The following XYLT1 variants were observed in gnomAD, a reference collection of about 807,000 sequenced individuals.
XYLT1 encodes the protein beta-D-xylosyltransferase 1.
A neutral mutation model predicts 91.3 loss-of-function variants in XYLT1; 36 were observed. The observed-to-expected ratio is 0.39, with a 90% CI of 0.30 to 0.52. The LOEUF (loss-of-function observed/expected upper bound fraction) is 0.52, where lower values mean the gene tolerates loss of function less well. Among genes scored for constraint, XYLT1 ranks in the 20% least tolerant of loss-of-function variants. XYLT1 has a pLI of 0.68. For synonymous variants in XYLT1, 588 were observed against 532.0 expected (o/e 1.11, Z -1.45); for missense variants, 1,242 against 1,284.5 (o/e 0.97, Z 0.51).
intron 10 of XYLT1, among the ~76,000 whole-genome samples, chr16:17,118,289 T>C (rs867395086): frequency 1.3e-5 from 2 of 150,400 alleles, no homozygotes; most frequent in African/African-American, 5.0e-5. Flanking sequence ...AATGAACGAA[T>C]GAATGAATGA....
chr16:17,176,938 T>G (rs936347), intron 5 of XYLT1, among the ~76,000 whole-genome samples: 91,144 of 151,754 alleles, frequency 0.6, 29,703 homozygotes, highest in African/African-American at 0.86. Context: ...TTCAAAGGCT[T>G]CCCATTGCTT....
intron 5 of XYLT1, among the ~76,000 whole-genome samples, chr16:17,197,834 T>C (rs2016930): frequency 0.58 from 87,966 of 152,022 alleles, 27,618 homozygotes; most frequent in African/African-American, 0.82. Context: ...GCAGACGGCC[T>C]ATCGTGAGAC....
At chr16:17,380,181 G>C (rs1305546307) in intron 1 of XYLT1, among the ~76,000 whole-genome samples, 1 of 152,136 alleles carries the variant, frequency 6.6e-6, no homozygotes, top group Non-Finnish European at 1.5e-5. Context: ...CCAGCTATTC[G>C]GGAGGCTGAG....
intron 10 of XYLT1, among the ~76,000 whole-genome samples, chr16:17,118,402 A>G (rs1285167192): frequency 6.6e-6 from 1 of 152,154 alleles, no homozygotes; most frequent in African/African-American, 2.4e-5. Context: ...TCTAAATCAC[A>G]CACCTCCACT....
chr16:17,453,608 C>T lies in XYLT1; in HGVS notation c.363+16826G>A, dbSNP rs1243926528. On this transcript the variant is annotated intron_variant, in intron 1 of 11. Transcript: ENST00000261381. ...AAGTCTCCGTGCTCCGATGCTGTGG[C>T]CATGTACAGCATATGCAGTCCCCAA... 4.6e-5 allele frequency among the ~76,000 whole-genome samples: 7 copies of T among 152,130 alleles called. No homozygotes were observed. The South Asian group carries it at 1.4e-3, about 31-fold the overall frequency.
At chr16:17,411,469 T>TA (rs945642656) in intron 1 of XYLT1, among the ~76,000 whole-genome samples, 9 of 152,030 alleles carry the variant, frequency 5.9e-5, no homozygotes, top group South Asian at 2.1e-4. Context: ...GCCCAGTCAC[T>TA]AAAAAAAATT....
At chr16:17,452,808 C>G (rs187630101) in intron 1 of XYLT1, among the ~76,000 whole-genome samples, 4 of 152,028 alleles carry the variant, frequency 2.6e-5, no homozygotes, top group Non-Finnish European at 5.9e-5. Flanking sequence ...GTAATTAGCA[C>G]GTTAGAACAT....
chr16:17,164,314 CAG>C (rs1491518232), intron 5 of XYLT1, among the ~76,000 whole-genome samples: 16 of 148,682 alleles, frequency 1.1e-4, no homozygotes, highest in Middle Eastern at 3.5e-3. Context: ...TTTTTGGAGA[CAG>C]AGTCTTGCCA....
chr16:17,248,305 C>A (rs1249203557), intron 3 of XYLT1, among the ~76,000 whole-genome samples: 1 of 152,202 alleles, frequency 6.6e-6, no homozygotes, highest in African/African-American at 2.4e-5. Context: ...TCCATTAAAC[C>A]TATTTTTCTT....
chr16:17,324,791 A>G (rs1428169727), intron 2 of XYLT1, among the ~76,000 whole-genome samples: 2 of 152,204 alleles, frequency 1.3e-5, no homozygotes, highest in Admixed American at 1.3e-4. Flanking sequence ...ACATAAATGT[A>G]GAAAACAAAG....
At chr16:17,216,314 T>C (rs933070550) in intron 3 of XYLT1, among the ~76,000 whole-genome samples, 3 of 152,186 alleles carry the variant, frequency 2.0e-5, no homozygotes, top group African/African-American at 7.2e-5. Context: ...AGGGAGGGTT[T>C]TGACAACAGG....
chr16:17,225,237 AC>A lies in XYLT1; in HGVS notation c.914-24584del, dbSNP rs369679463. On this transcript the variant is annotated intron_variant, in intron 3 of 11. Transcript: ENST00000261381. Reference sequence around the variant, plus strand: ...TCTGAAATTCTCATCATGTTCTGAAACGTCAACTGTTTCCTGATCTTTAATC... The same window carrying A: ...TCTGAAATTCTCATCATGTTCTGAAAGTCAACTGTTTCCTGATCTTTAATC... Among the ~76,000 whole-genome samples the A allele has an allele frequency of 6.0e-4, 91 of 151,966 alleles. No homozygotes were observed. The East Asian group carries it at 0.017, about 29-fold the overall frequency.
intron 3 of XYLT1, among the ~76,000 whole-genome samples, chr16:17,234,564 A>C (rs1051827865): frequency 2.0e-5 from 3 of 151,874 alleles, no homozygotes; most frequent in African/African-American, 7.3e-5. Context: ...ACAACAAAAA[A>C]CTAACAGCTC....
At chr16:17,466,185 T>C (rs1414582241) in intron 1 of XYLT1, among the ~76,000 whole-genome samples, 2 of 152,126 alleles carry the variant, frequency 1.3e-5, no homozygotes, top group Admixed American at 6.5e-5. Flanking sequence ...TCCGCAGAAA[T>C]GGGGAAATGC....
At chr16:17,329,452 TTGC>T (rs2034863642) in intron 2 of XYLT1, among the ~76,000 whole-genome samples, 1 of 152,248 alleles carries the variant, frequency 6.6e-6, no homozygotes, top group Non-Finnish European at 1.5e-5. Flanking sequence ...TCTTTTCATC[TTGC>T]TGGTTTTCTT....
intron 1 of XYLT1, among the ~76,000 whole-genome samples, chr16:17,374,845 T>G (rs1361719509): frequency 2.0e-5 from 3 of 152,134 alleles, no homozygotes; most frequent in African/African-American, 7.2e-5. Context: ...CTCCCACACA[T>G]AACCAAATGG....
intron 1 of XYLT1, among the ~76,000 whole-genome samples, chr16:17,439,251 T>C (rs1449891437): frequency 6.6e-6 from 1 of 152,204 alleles, no homozygotes; most frequent in Non-Finnish European, 1.5e-5. Flanking sequence ...ACTTTGCCTT[T>C]AAACTCAGAT....
intron 2 of XYLT1, among the ~76,000 whole-genome samples, chr16:17,333,192 C>T (rs1157465063): frequency 2.0e-5 from 3 of 152,170 alleles, no homozygotes; most frequent in African/African-American, 7.2e-5. Flanking sequence ...ACATGTACAA[C>T]TTCAAATTTT....
At position 17,107,851 on chromosome 16, in the gene XYLT1, A is replaced by C. The variant is rs1966799221; in HGVS notation, c.*844T>G. 6.6e-6 allele frequency: 1 copy of C among 152,628 alleles called. No individual in the cohort carries two copies. The highest frequency in any genetic ancestry group is 1.5e-5 in the Non-Finnish European group (1 of 68,058). 9.5% of individuals were successfully genotyped at this position (152,628 alleles called of 1,614,324 possible). ...GTCTGGTGCTCACAAACATCATCCT[A>C]TTTCTGCTACTTTGTGTGGCAGCCT... On this transcript the variant is annotated 3_prime_UTR_variant, in exon 12 of 12. Coordinates refer to ENST00000261381, the MANE Select transcript of XYLT1 (RefSeq NM_022166.4).
Sources: allele counts gnomAD v4.1 joint callset (sites outside exome capture counted in the v4.1 genomes callset), GRCh38; gene constraint gnomAD v4.1.1; transcripts MANE v1.5; gene names NCBI Gene and HGNC (gene_info 2026-07-23, HGNC 2026-07-21).